KCNH5: variants seen among roughly 807,000 people sequenced by gnomAD.
KCNH5 encodes voltage-gated delayed rectifier potassium channel KCNH5.
In KCNH5, 46 loss-of-function variants were observed where a neutral mutation model predicts 96.1. The observed-to-expected ratio is 0.48, with a 90% CI of 0.38 to 0.61. The LOEUF (loss-of-function observed/expected upper bound fraction) is 0.61. KCNH5 is among the 20% of genes least tolerant of loss of function. The probability of loss-of-function intolerance (pLI) is 0.00; values close to 1 mark genes in which losing one functional copy is unlikely to be tolerated. For missense variants in KCNH5, 907 were observed against 1,225.8 expected (o/e 0.74, Z 3.88); for synonymous variants, 439 against 449.8 (o/e 0.98, Z 0.30).
In KCNH5 at chr14:62,830,939, C is replaced by A. The variant is rs529849669; in HGVS notation, c.1569+18714G>T. Among the ~76,000 whole-genome samples the A allele has an allele frequency of 2.6e-5, 4 of 152,190 alleles. No homozygotes were observed. In the South Asian group the frequency reaches 8.3e-4, roughly 32 times the overall value. Reference sequence around the variant, plus strand: ...CATTTCCTTACTTCCTTCCCTTCCTCGCTAAGCTTCCAAGGAAAGCATTGC... The same window carrying A: ...CATTTCCTTACTTCCTTCCCTTCCTAGCTAAGCTTCCAAGGAAAGCATTGC... On this transcript the variant is annotated intron_variant, in intron 8 of 10. Transcript: ENST00000322893.
intron 8 of KCNH5, among the ~76,000 whole-genome samples, chr14:62,818,103 T>TGGGG (rs71120236): frequency 5.0e-5 from 2 of 39,924 alleles, no homozygotes; most frequent in Admixed American, 2.8e-4. Context: ...TACCAGGAGC[T>TGGGG]GGGGGCGGGG....
intron 10 of KCNH5, among the ~76,000 whole-genome samples, chr14:62,726,231 G>A (rs562336530): frequency 1.3e-5 from 2 of 152,078 alleles, no homozygotes; most frequent in African/African-American, 4.8e-5. Flanking sequence ...TCTTCATAAT[G>A]TTGGGATACG....
intron 7 of KCNH5, among the ~76,000 whole-genome samples, chr14:62,948,287 T>C (rs1439723474): frequency 2.0e-5 from 3 of 152,156 alleles, no homozygotes; most frequent in African/African-American, 7.2e-5. Context: ...GCAATAAACA[T>C]ATGTGTGCAT....
intron 6 of KCNH5, 56 bp from the exon 7 acceptor site, chr14:62,950,615 G>T: frequency 1.4e-6 from 2 of 1,412,742 alleles, no homozygotes; most frequent in South Asian, 1.4e-5. Context: ...AAAAAAGGCT[G>T]GGGAAACAAT....
chr14:62,947,308 C>T (rs1175618150), intron 7 of KCNH5, among the ~76,000 whole-genome samples: 1 of 152,142 alleles, frequency 6.6e-6, no homozygotes, highest in African/African-American at 2.4e-5. Flanking sequence ...TTATAAAGTA[C>T]ATTTTTGCCC....
chr14:63,018,171 G>A (rs1891360660), intron 1 of KCNH5, among the ~76,000 whole-genome samples: 1 of 151,856 alleles, frequency 6.6e-6, no homozygotes, highest in African/African-American at 2.4e-5. Flanking sequence ...CCTTGAAAAA[G>A]AGAGGCTTTA....
chr14:62,851,854 C>A (rs1016643144), intron 7 of KCNH5, among the ~76,000 whole-genome samples: 26 of 151,976 alleles, frequency 1.7e-4, no homozygotes, highest in Non-Finnish European at 3.2e-4. Context: ...CTTATTACTG[C>A]CTTCTAGTTT....
intron 7 of KCNH5, among the ~76,000 whole-genome samples, chr14:62,894,729 CTT>C (rs1415866832): frequency 2.6e-5 from 4 of 152,182 alleles, no homozygotes; most frequent in African/African-American, 7.2e-5. Flanking sequence ...TCCAGTCTTA[CTT>C]TCTCTTTGCA....
chr14:63,002,696 A>G (rs1206510240), intron 3 of KCNH5, among the ~76,000 whole-genome samples: 1 of 152,232 alleles, frequency 6.6e-6, no homozygotes, highest in Non-Finnish European at 1.5e-5. Context: ...TCATTTAGAC[A>G]GGATGAGATA....
At chr14:63,039,213 C>G (rs572986996) in intron 1 of KCNH5, among the ~76,000 whole-genome samples, 60 of 151,954 alleles carry the variant, frequency 3.9e-4, no homozygotes, top group Non-Finnish European at 7.5e-4. Flanking sequence ...TGCCTTAAAC[C>G]AAAATTCAGA....
intron 1 of KCNH5, among the ~76,000 whole-genome samples, chr14:63,029,022 G>A (rs574509441): frequency 6.6e-6 from 1 of 152,202 alleles, no homozygotes; most frequent in African/African-American, 2.4e-5. Flanking sequence ...CCATCAAAGA[G>A]TTAAGTAATT....
intron 6 of KCNH5, 136 bp from the exon 7 acceptor site, chr14:62,950,695 A>C (rs1889987774): frequency 6.7e-6 from 4 of 594,208 alleles, no homozygotes; most frequent in Non-Finnish European, 1.0e-5. Flanking sequence ...TATAGGTCTG[A>C]TTTTAAGAAA....
intron 10 of KCNH5, among the ~76,000 whole-genome samples, chr14:62,734,379 T>A (rs896921398): frequency 3.9e-5 from 6 of 152,206 alleles, no homozygotes; most frequent in African/African-American, 1.4e-4. Context: ...GCTGGAACTC[T>A]CATGCCTATG....
intron 8 of KCNH5, among the ~76,000 whole-genome samples, chr14:62,835,934 T>G (rs1199655366): frequency 1.3e-5 from 2 of 152,072 alleles, no homozygotes; most frequent in Non-Finnish European, 1.5e-5. Context: ...ATTACAAGAA[T>G]TTTTTTAAAA....
At chr14:62,880,449 A>G (rs1888470029) in intron 7 of KCNH5, among the ~76,000 whole-genome samples, 1 of 152,206 alleles carries the variant, frequency 6.6e-6, no homozygotes, top group African/African-American at 2.4e-5. Context: ...AAGAGTAAAA[A>G]CCAGGAATTG....
chr14:62,713,162 C>T (rs1251724058), intron 10 of KCNH5, among the ~76,000 whole-genome samples: 2 of 152,206 alleles, frequency 1.3e-5, no homozygotes, highest in African/African-American at 2.4e-5. Context: ...CCTTTTCATA[C>T]ATTCAGCAAA....
chr14:62,867,362 T>A (rs961599715), intron 7 of KCNH5, among the ~76,000 whole-genome samples: 1 of 152,148 alleles, frequency 6.6e-6, no homozygotes, highest in African/African-American at 2.4e-5. Flanking sequence ...GTTTAATCTC[T>A]ACCTTCATCT....
At chr14:63,008,468 G>A (rs1394272925) in intron 2 of KCNH5, among the ~76,000 whole-genome samples, 9 of 151,744 alleles carry the variant, frequency 5.9e-5, no homozygotes, top group African/African-American at 2.2e-4. Flanking sequence ...AGAAATTACA[G>A]GGTAACTCAA....
intron 7 of KCNH5, among the ~76,000 whole-genome samples, chr14:62,888,108 AC>A (rs1404977618): frequency 1.3e-5 from 2 of 152,210 alleles, no homozygotes; most frequent in African/African-American, 4.8e-5. Context: ...TCTGCAGGTA[AC>A]TTTTACAGCC....
Sources: gnomAD v4.1 joint callset for allele counts (sites outside exome capture counted in the v4.1 genomes callset) on GRCh38, gnomAD v4.1.1 for gene constraint, MANE v1.5 for transcripts, NCBI Gene and HGNC (gene_info 2026-07-23, HGNC 2026-07-21) for gene names.